Variants in CCSER1 observed in about 807,000 individuals in gnomAD.
CCSER1 encodes the protein serine-rich coiled-coil domain-containing protein 1.
In CCSER1, 41 loss-of-function variants were observed where a neutral mutation model predicts 82.0. That is an observed-to-expected ratio of 0.50 (90% confidence interval 0.39 to 0.65). The LOEUF (loss-of-function observed/expected upper bound fraction) is 0.65. CCSER1 is among the 30% of genes least tolerant of loss of function. The pLI is 0.00. For synonymous variants in CCSER1, 414 were observed against 383.9 expected (o/e 1.08, Z -0.92); for missense variants, 1,119 against 1,064.2 (o/e 1.05, Z -0.72).
intron 8 of CCSER1, among the ~76,000 whole-genome samples, chr4:90,891,710 TTA>T (rs1450453891): frequency 1.3e-5 from 2 of 152,076 alleles, no homozygotes; most frequent in African/African-American, 4.8e-5. Context: ...TTTCTCTCTT[TTA>T]CCAGCTGGTT....
At chr4:91,405,861 C>T (rs2149365611) in intron 10 of CCSER1, among the ~76,000 whole-genome samples, 1 of 152,270 alleles carries the variant, frequency 6.6e-6, no homozygotes, top group East Asian at 1.9e-4. Context: ...TTGGCTTAAT[C>T]TCCTTAGGTT....
At chr4:90,863,844 A>G (rs757397616) in intron 8 of CCSER1, among the ~76,000 whole-genome samples, 13 of 151,826 alleles carry the variant, frequency 8.6e-5, no homozygotes, top group Non-Finnish European at 1.8e-4. Context: ...ATGTAAAAAC[A>G]CTTTGTCATT....
intron 3 of CCSER1, among the ~76,000 whole-genome samples, chr4:90,338,470 A>G (rs1338214320): frequency 6.6e-6 from 1 of 152,204 alleles, no homozygotes; most frequent in African/African-American, 2.4e-5. Context: ...CACAGGAAAA[A>G]GAAGCAAAAC....
At chr4:91,103,012 C>T (rs1725235576) in intron 10 of CCSER1, among the ~76,000 whole-genome samples, 1 of 152,078 alleles carries the variant, frequency 6.6e-6, no homozygotes, top group Non-Finnish European at 1.5e-5. Flanking sequence ...AACAAATAAT[C>T]CTTGTGTAAA....
At chr4:91,547,211 C>G (rs983855430) in intron 10 of CCSER1, among the ~76,000 whole-genome samples, 2 of 152,000 alleles carry the variant, frequency 1.3e-5, no homozygotes, top group Non-Finnish European at 2.9e-5. Flanking sequence ...GATTCAATTA[C>G]ATGTAATTGA....
intron 10 of CCSER1, among the ~76,000 whole-genome samples, chr4:91,355,223 CT>C (rs1372321215): frequency 2.0e-5 from 3 of 150,932 alleles, no homozygotes; most frequent in Admixed American, 6.6e-5. Flanking sequence ...AACTGTTTAA[CT>C]TTTTTTTAGT....
intron 10 of CCSER1, among the ~76,000 whole-genome samples, chr4:91,245,446 G>T (rs1739694608): frequency 6.6e-6 from 1 of 152,050 alleles, no homozygotes; most frequent in Non-Finnish European, 1.5e-5. Context: ...ACATCTAATA[G>T]CAGACTTTTA....
chr4:90,242,614 G>C (rs1720570729), intron 1 of CCSER1, among the ~76,000 whole-genome samples: 2 of 152,182 alleles, frequency 1.3e-5, no homozygotes, highest in South Asian at 4.1e-4. Context: ...ACCACAAAAT[G>C]CATCATTTCC....
chr4:91,286,577 A>G (rs1743295469), intron 10 of CCSER1, among the ~76,000 whole-genome samples: 2 of 151,826 alleles, frequency 1.3e-5, no homozygotes, highest in African/African-American at 4.8e-5. Flanking sequence ...TACATGTGAT[A>G]TGAATGGAGA....
At chr4:90,956,913 G>A (rs1733494927) in intron 9 of CCSER1, among the ~76,000 whole-genome samples, 1 of 149,768 alleles carries the variant, frequency 6.7e-6, no homozygotes, top group Admixed American at 6.7e-5. Flanking sequence ...CTGTGTAGCT[G>A]GGACTACAGG....
At chr4:91,169,691 G>C (rs558474503) in intron 10 of CCSER1, among the ~76,000 whole-genome samples, 14 of 151,666 alleles carry the variant, frequency 9.2e-5, no homozygotes, top group Admixed American at 4.6e-4. Flanking sequence ...GTTAAGTTTA[G>C]AATTGTTAAA....
intron 1 of CCSER1, among the ~76,000 whole-genome samples, chr4:90,275,259 T>G (rs542640534): frequency 6.6e-6 from 1 of 151,932 alleles, no homozygotes; most frequent in African/African-American, 2.4e-5. Context: ...TAAGAATGAG[T>G]TTTCAAACAT....
intron 10 of CCSER1, among the ~76,000 whole-genome samples, chr4:91,476,388 T>C (rs1757597121): frequency 6.6e-6 from 1 of 151,756 alleles, no homozygotes; most frequent in African/African-American, 2.4e-5. Context: ...TTATGATTAG[T>C]GATGTTGAGC....
At chr4:90,129,059 T>C (rs1722376017) in intron 1 of CCSER1, among the ~76,000 whole-genome samples, 1 of 152,166 alleles carries the variant, frequency 6.6e-6, no homozygotes, top group African/African-American at 2.4e-5. Context: ...AGTCAGAAAA[T>C]ACCTACTTGG....
chr4:91,054,570 C>T (rs1346816852), intron 9 of CCSER1, among the ~76,000 whole-genome samples: 2 of 151,872 alleles, frequency 1.3e-5, no homozygotes, highest in Admixed American at 6.6e-5. Flanking sequence ...ATATCTTTTC[C>T]ATTCTTTCAC....
intron 10 of CCSER1, among the ~76,000 whole-genome samples, chr4:91,271,247 A>G (rs1026561652): frequency 6.6e-6 from 1 of 152,020 alleles, no homozygotes; most frequent in Non-Finnish European, 1.5e-5. Flanking sequence ...ACTTATGCTA[A>G]GCAGTTTTCT....
intron 10 of CCSER1, among the ~76,000 whole-genome samples, chr4:91,147,602 T>A (rs529320184): frequency 7.9e-5 from 12 of 152,284 alleles, no homozygotes; most frequent in African/African-American, 2.6e-4. Flanking sequence ...TTGAATTCCC[T>A]CGGGGTTGGA....
At chr4:91,374,294 C>T (rs1437780206) in intron 10 of CCSER1, among the ~76,000 whole-genome samples, 3 of 152,144 alleles carry the variant, frequency 2.0e-5, no homozygotes, top group Non-Finnish European at 4.4e-5. Flanking sequence ...AAATCAATGC[C>T]TGGCTCCAAG....
intron 1 of CCSER1, among the ~76,000 whole-genome samples, chr4:90,300,381 T>C (rs900280285): frequency 7.2e-5 from 11 of 152,312 alleles, no homozygotes; most frequent in Admixed American, 5.2e-4. Context: ...ATACCTAATC[T>C]GTGCCAAGCA....
Sources: allele counts gnomAD v4.1 joint callset (sites outside exome capture counted in the v4.1 genomes callset), GRCh38; gene constraint gnomAD v4.1.1; transcripts MANE v1.5; gene names NCBI Gene and HGNC (gene_info 2026-07-23, HGNC 2026-07-21).